Variants in CERS3 observed in about 807,000 individuals in gnomAD.
CERS3 encodes the protein ceramide synthase 3.
In CERS3, 33 loss-of-function variants were observed where a neutral mutation model predicts 50.3. The observed-to-expected ratio is 0.66, with a 90% confidence interval of 0.50 to 0.88. CERS3 has a LOEUF of 0.88. Ranked by LOEUF, CERS3 falls within the 40% of genes least tolerant of loss-of-function variation. The pLI, the probability that CERS3 is intolerant of heterozygous loss-of-function variation, is 0.00. For synonymous variants in CERS3, 176 were observed against 155.2 expected (o/e 1.13, Z -0.99); for missense variants, 470 against 460.3 (o/e 1.02, Z -0.19).
At chr15:100,434,615 C>T (rs2033304059) in intron 11 of CERS3, among the ~76,000 whole-genome samples, 2 of 152,090 alleles carry the variant, frequency 1.3e-5, no homozygotes, top group Non-Finnish European at 2.9e-5. Flanking sequence ...AGGGTGTGGC[C>T]ACAGAAAACA....
intron 10 of CERS3, among the ~76,000 whole-genome samples, chr15:100,461,521 G>A (rs1422700886): frequency 1.3e-5 from 2 of 152,212 alleles, no homozygotes; most frequent in Non-Finnish European, 2.9e-5. Flanking sequence ...AGGTGGTTAT[G>A]AGGATTCAAT....
At chr15:100,483,787 A>ATTATTTTT (rs760594142) in intron 5 of CERS3, among the ~76,000 whole-genome samples, 4,200 of 99,820 alleles carry the variant, frequency 0.042, 358 homozygotes, top group Admixed American at 0.15. Context: ...TATTATTATT[A>ATTATTTTT]TTTTTTTTTT....
chr15:100,498,542 A>G (rs1028672052), intron 3 of CERS3, among the ~76,000 whole-genome samples: 1 of 152,174 alleles, frequency 6.6e-6, no homozygotes, highest in African/African-American at 2.4e-5. Context: ...GCTCCCATGT[A>G]AATGGTTCAA....
chr15:100,419,248 C>A (rs1447913227), intron 11 of CERS3, among the ~76,000 whole-genome samples: 7 of 123,592 alleles, frequency 5.7e-5, no homozygotes, highest in East Asian at 4.6e-4. Flanking sequence ...TCTACCAAGC[C>A]AATGGAAAAC....
chr15:100,522,858 G>A (rs1198189242), intron 1 of CERS3, among the ~76,000 whole-genome samples: 1 of 152,130 alleles, frequency 6.6e-6, no homozygotes, highest in Admixed American at 6.5e-5. Context: ...GAGTGGAAAC[G>A]CCAGGTCATA....
chr15:100,465,161 AAAG>A (rs1237375063), intron 10 of CERS3, among the ~76,000 whole-genome samples: 2 of 152,050 alleles, frequency 1.3e-5, no homozygotes, highest in Non-Finnish European at 2.9e-5. Context: ...AAGCAGCTGG[AAAG>A]AAGAACAGAG....
intron 11 of CERS3, among the ~76,000 whole-genome samples, chr15:100,411,781 GT>G (rs555233264): frequency 1.9e-3 from 292 of 152,074 alleles, no homozygotes; most frequent in African/African-American, 6.6e-3. Flanking sequence ...GTTATGTTCG[GT>G]TTTTTTAATA....
intron 5 of CERS3, among the ~76,000 whole-genome samples, chr15:100,484,268 T>A (rs1363901139): frequency 6.6e-6 from 1 of 152,224 alleles, no homozygotes; most frequent in Non-Finnish European, 1.5e-5. Context: ...GCTGAGTACA[T>A]AACATCTCCT....
chr15:100,468,725 G>A (rs1362327741), intron 10 of CERS3, among the ~76,000 whole-genome samples: 1 of 152,160 alleles, frequency 6.6e-6, no homozygotes, highest in Non-Finnish European at 1.5e-5. Context: ...GGAACATTAT[G>A]CTTCCCAAGG....
chr15:100,506,181 G>C (rs924227609), intron 2 of CERS3, among the ~76,000 whole-genome samples: 1 of 152,130 alleles, frequency 6.6e-6, no homozygotes, highest in Non-Finnish European at 1.5e-5. Flanking sequence ...AAAAATACTT[G>C]AAGGTCATAT....
chr15:100,419,002 A>G lies in CERS3; in HGVS notation c.1000-16137T>C, dbSNP rs984971502. On this transcript the variant is annotated intron_variant, in intron 11 of 11. Coordinates refer to ENST00000679737, the MANE Select transcript of CERS3 (RefSeq NM_001378789.1). ...GTGCCAAATTGTAAAGACCATCGAG[A>G]CTAGGAAGAAACTGCATCAACTAAC... Among the ~76,000 whole-genome samples, 1,153 of 149,360 alleles carry G rather than the reference A, an allele frequency of 7.7e-3. 8 individuals are homozygous for G. Among genetic ancestry groups the G allele is most frequent in the African/African-American group, 0.016 (645 of 40,762 alleles).
upstream of CERS3, among the ~76,000 whole-genome samples, chr15:100,531,963 C>T (rs1027715046): frequency 5.3e-5 from 8 of 152,166 alleles, no homozygotes; most frequent in Middle Eastern, 3.4e-3. Flanking sequence ...AAGCGGGTAC[C>T]GGGTGCCTTT....
At chr15:100,457,074 T>C (rs933227289) in intron 10 of CERS3, among the ~76,000 whole-genome samples, 1 of 152,224 alleles carries the variant, frequency 6.6e-6, no homozygotes, top group East Asian at 1.9e-4. Context: ...AGAAATAATT[T>C]TTTTCATGTA....
At chr15:100,485,753 A>C (rs1179468455) in intron 4 of CERS3, among the ~76,000 whole-genome samples, 2 of 152,116 alleles carry the variant, frequency 1.3e-5, no homozygotes, top group Non-Finnish European at 2.9e-5. Flanking sequence ...GATCCCAGCT[A>C]CTCAGGAGGC....
intron 11 of CERS3, among the ~76,000 whole-genome samples, chr15:100,423,951 T>C (rs2032641614): frequency 6.6e-6 from 1 of 151,844 alleles, no homozygotes; most frequent in Non-Finnish European, 1.5e-5. Flanking sequence ...TTCTTTTTTT[T>C]TTTTTTTGAG....
intron 2 of CERS3, among the ~76,000 whole-genome samples, chr15:100,507,472 C>G (rs2587786): frequency 0.98 from 149,782 of 152,358 alleles, 73,675 homozygotes; most frequent in Middle Eastern, 1. Context: ...CTGTTAGCAA[C>G]AAACAAGTGA....
At chr15:100,482,486 C>G (rs1041491906) in intron 5 of CERS3, among the ~76,000 whole-genome samples, 13 of 152,114 alleles carry the variant, frequency 8.5e-5, no homozygotes, top group African/African-American at 3.1e-4. Context: ...AGCCCTTTCT[C>G]CAACACTGAG....
chr15:100,488,782 G>GTT (rs34460232), intron 4 of CERS3, among the ~76,000 whole-genome samples: 4,595 of 144,852 alleles, frequency 0.032, 171 homozygotes, highest in African/African-American at 0.083. Context: ...ATATATAACT[G>GTT]TTTTTTTTTT....
At chr15:100,406,563 T>C (rs2031042656) in intron 11 of CERS3, among the ~76,000 whole-genome samples, 1 of 152,098 alleles carries the variant, frequency 6.6e-6, no homozygotes, top group Non-Finnish European at 1.5e-5. Flanking sequence ...GGTGTCAAAA[T>C]GAACAAGCCT....
Sources: allele counts gnomAD v4.1 joint callset (sites outside exome capture counted in the v4.1 genomes callset), GRCh38; gene constraint gnomAD v4.1.1; transcripts MANE v1.5; gene names NCBI Gene and HGNC (gene_info 2026-07-23, HGNC 2026-07-21).